The following SLC8A1 variants were observed in gnomAD, a reference collection of about 807,000 sequenced individuals.
The protein encoded by SLC8A1 is solute carrier family 8 member A1.
A neutral mutation model predicts 68.3 loss-of-function variants in SLC8A1; 18 were observed. The observed-to-expected ratio is 0.26, with a 90% CI of 0.18 to 0.39. SLC8A1 has a LOEUF of 0.39. Ranked by LOEUF, SLC8A1 falls within the 10% of genes least tolerant of loss-of-function variation. SLC8A1 has a pLI of 1.00. For synonymous variants in SLC8A1, 475 were observed against 415.5 expected, an observed-to-expected ratio of 1.14 and a Z score of -1.74; for missense variants, 985 against 1,156.7, an observed-to-expected ratio of 0.85 and a Z score of 2.15.
At chr2:40,402,289 A>G (rs187255254) in intron 2 of SLC8A1, among the ~76,000 whole-genome samples, 487 of 152,286 alleles carry the variant, frequency 3.2e-3, no homozygotes, top group African/African-American at 0.011. Flanking sequence ...GGAAGTTAAC[A>G]TGTATGGTCT....
At chr2:40,244,308 C>T (rs560652385) in intron 2 of SLC8A1, among the ~76,000 whole-genome samples, 100 of 152,280 alleles carry the variant, frequency 6.6e-4, no homozygotes, top group African/African-American at 2.4e-3. Flanking sequence ...TGAGCATCTA[C>T]TACGTGAGTC....
At chr2:40,178,341 A>T in intron 2 of SLC8A1, 46 bp downstream of exon 3, 10 of 1,455,948 alleles carry the variant, frequency 6.9e-6, no homozygotes, top group Non-Finnish European at 9.6e-6. Flanking sequence ...GGGGTGGCAC[A>T]GGCCAGCAGA....
chr2:40,362,266 G>A (rs1001598430), intron 2 of SLC8A1, among the ~76,000 whole-genome samples: 9 of 151,070 alleles, frequency 6.0e-5, no homozygotes, highest in Non-Finnish European at 1.3e-4. Flanking sequence ...AATAGGTACT[G>A]GAAAATGGAA....
intron 2 of SLC8A1, among the ~76,000 whole-genome samples, chr2:40,423,320 A>G (rs1253789887): frequency 2.0e-5 from 3 of 152,116 alleles, no homozygotes; most frequent in Non-Finnish European, 4.4e-5. Flanking sequence ...AAGGCTTCCT[A>G]TAGTTTACAA....
intron 2 of SLC8A1, among the ~76,000 whole-genome samples, chr2:40,265,879 G>A (rs577718688): frequency 2.7e-4 from 41 of 152,198 alleles, no homozygotes; most frequent in Non-Finnish European, 5.0e-4. Context: ...TCTACTAGCA[G>A]CCAAGGATAT....
chr2:40,436,564 G>A (rs914052597), intron 1 of SLC8A1, among the ~76,000 whole-genome samples: 12 of 151,968 alleles, frequency 7.9e-5, no homozygotes. Context: ...CATCAGCCCT[G>A]GCTTGCTTAT....
intron 6 of SLC8A1, among the ~76,000 whole-genome samples, chr2:40,142,432 T>C (rs1321082355): frequency 4.6e-5 from 7 of 152,100 alleles, no homozygotes; most frequent in Non-Finnish European, 8.8e-5. Context: ...TTTTGGATCC[T>C]ATCCTTTTTA....
chr2:40,505,023 A>T (rs910668135), intron 1 of SLC8A1, among the ~76,000 whole-genome samples: 1 of 152,026 alleles, frequency 6.6e-6, no homozygotes, highest in African/African-American at 2.4e-5. Context: ...TTGTTGCAGC[A>T]CTGCTTATAA....
intron 2 of SLC8A1, among the ~76,000 whole-genome samples, chr2:40,285,171 G>GA (rs2068113590): frequency 6.6e-6 from 1 of 152,114 alleles, no homozygotes; most frequent in Non-Finnish European, 1.5e-5. Context: ...TACAGATGAG[G>GA]AAATAGAAAC....
intron 1 of SLC8A1, among the ~76,000 whole-genome samples, chr2:40,487,462 T>A (rs556979467): frequency 6.6e-6 from 1 of 152,310 alleles, no homozygotes; most frequent in Non-Finnish European, 1.5e-5. Context: ...GGATTTCCTT[T>A]ATGAAACCAC....
intron 4 of SLC8A1, among the ~76,000 whole-genome samples, chr2:40,169,494 G>C (rs1205576137): frequency 6.6e-6 from 1 of 152,122 alleles, no homozygotes; most frequent in Non-Finnish European, 1.5e-5. Flanking sequence ...ATCTGGGATA[G>C]CTGTGTAATC....
intron 1 of SLC8A1, among the ~76,000 whole-genome samples, chr2:40,494,108 G>C (rs1705518101): frequency 6.6e-6 from 1 of 151,480 alleles, no homozygotes; most frequent in African/African-American, 2.4e-5. Context: ...CATTTGACCT[G>C]CATTTTGTAA....
chr2:40,302,528 ATATT>A (rs1320975935), intron 2 of SLC8A1, among the ~76,000 whole-genome samples: 4 of 149,294 alleles, frequency 2.7e-5, no homozygotes, highest in South Asian at 2.1e-4. Context: ...TATAACATAT[ATATT>A]TACACACATA....
chr2:40,098,574 A>C (rs2033711244), exon 8 of SLC8A1: 1 of 152,018 alleles, frequency 6.6e-6, no homozygotes, highest in Admixed American at 6.6e-5. Context: ...ATCTGTCATT[A>C]ATGTTGGTGC....
At chr2:40,464,537 G>T (rs1482853675) in intron 1 of SLC8A1, among the ~76,000 whole-genome samples, 1 of 152,214 alleles carries the variant, frequency 6.6e-6, no homozygotes, top group African/African-American at 2.4e-5. Flanking sequence ...TGTAAGAAGG[G>T]GAGACTGGCA....
intron 2 of SLC8A1, chr2:40,250,186 T>C (rs2062517987): frequency 6.6e-6 from 1 of 152,174 alleles, no homozygotes; most frequent in Non-Finnish European, 1.5e-5. Context: ...TATTTTATAA[T>C]TTGGGGGAAA....
At chr2:40,322,725 A>G (rs1267915797) in intron 2 of SLC8A1, among the ~76,000 whole-genome samples, 1 of 151,804 alleles carries the variant, frequency 6.6e-6, no homozygotes, top group Non-Finnish European at 1.5e-5. Flanking sequence ...CTTCACAAGT[A>G]TCTATAAAAC....
intron 2 of SLC8A1, among the ~76,000 whole-genome samples, chr2:40,197,588 C>G (rs937813404): frequency 6.6e-6 from 1 of 151,994 alleles, no homozygotes; most frequent in African/African-American, 2.4e-5. Context: ...ATACCCACTT[C>G]TGGCTTGCAT....
chr2:40,204,000 GC>G (rs981383901), intron 2 of SLC8A1, among the ~76,000 whole-genome samples: 106 of 152,072 alleles, frequency 7.0e-4, no homozygotes, highest in African/African-American at 2.4e-3. Context: ...ATAGGTGTGA[GC>G]CACCGTGCCC....
Sources: allele counts gnomAD v4.1 joint callset (sites outside exome capture counted in the v4.1 genomes callset), GRCh38; gene constraint gnomAD v4.1.1; transcripts MANE v1.5; gene names NCBI Gene and HGNC (gene_info 2026-07-23, HGNC 2026-07-21).